PIWIL1: variants seen among roughly 807,000 people sequenced by gnomAD.
PIWIL1 encodes the protein piwi like RNA-mediated gene silencing 1.
A neutral mutation model predicts 114.4 loss-of-function variants in PIWIL1; 73 were observed. The ratio of observed to expected loss-of-function variants is 0.64; its 90% CI spans 0.53 to 0.78. The LOEUF is 0.78. Among genes scored for constraint, PIWIL1 ranks in the 30% least tolerant of loss-of-function variants. The pLI is 0.00. For synonymous variants in PIWIL1, 375 were observed against 369.0 expected, an observed-to-expected ratio of 1.02 and a Z score of -0.19; for missense variants, 723 against 1,063.1, an observed-to-expected ratio of 0.68 and a Z score of 4.45.
the PIWIL1 span, chr12:130,424,693 T>C: frequency 8.1e-7 from 1 of 1,231,956 alleles, no homozygotes; most frequent in African/African-American, 1.6e-5. The surrounding 1 kb of genome is among the most constrained non-coding windows in gnomAD (Gnocchi z 9.8). Flanking sequence ...AGCCCCGTCC[T>C]GGCCCTGGGG....
the PIWIL1 span, among the ~76,000 whole-genome samples, chr12:130,385,788 A>C: frequency 6.6e-6 from 1 of 152,330 alleles, no homozygotes; most frequent in South Asian, 2.1e-4. Flanking sequence ...GTGATGTCCC[A>C]AAAATTCAGA....
chr12:130,361,556 G>A lies in PIWIL1; in HGVS notation c.1925G>A (p.Arg642Lys). The change falls in exon 16 of 21, where the codon AGG becomes AAG. Residue 642 changes from arginine to lysine, a missense_variant. Arg to Lys is a conservative substitution (Grantham distance 26). Coordinates refer to ENST00000245255, the MANE Select transcript of PIWIL1 (RefSeq NM_004764.5). Reference protein sequence around the residue: ...DCYHDMTAGRRSIAGFVASIN... With the variant: ...DCYHDMTAGRKSIAGFVASIN... ...TACCATGACATGACAGCTGGGCGGA[G>A]GTCAATCGCAGGATTTGTTGCCAGC... 1 of 1,614,182 alleles carries A rather than the reference G, an allele frequency of 6.2e-7. No individual in the cohort carries two copies. Among genetic ancestry groups the A allele is most frequent in the Non-Finnish European group, 8.5e-7 (1 of 1,180,036 alleles).
At chr12:130,381,544 C>CATGT in the PIWIL1 span, among the ~76,000 whole-genome samples, 822 of 152,280 alleles carry the variant, frequency 5.4e-3, 13 homozygotes, top group African/African-American at 0.019. Flanking sequence ...TGTACCAGTA[C>CATGT]ATGTATCCAT....
chr12:130,361,345 A>T lies in PIWIL1; in HGVS notation c.1831A>T (p.Lys611Ter). The change falls in exon 15 of 21, where the codon AAG (lysine) becomes TAG (stop). Residue 611 changes from lysine to a stop codon, truncating the protein, a stop_gained. Coordinates refer to ENST00000245255, the MANE Select transcript of PIWIL1 (RefSeq NM_004764.5). LOFTEE classifies it high-confidence loss of function. The stretch of plus-strand genomic sequence containing the variant: ...AAAGATTGCCCTACAGATGAACTGC[A>T]AGATGGGAGGAGAGCTCTGGAGGGT... ...ATKIALQMNCKMGGELWRVDI... is the reference protein window; with the variant it reads ...ATKIALQMNC The T allele has an allele frequency of 6.2e-7, 1 of 1,614,228 alleles. No homozygotes were observed. The highest frequency in any genetic ancestry group is 8.5e-7 in the Non-Finnish European group (1 of 1,180,038).
chr12:130,376,501 C>A (rs1292329964), downstream of PIWIL1, among the ~76,000 whole-genome samples: 1 of 152,182 alleles, frequency 6.6e-6, no homozygotes, highest in Non-Finnish European at 1.5e-5. Flanking sequence ...CATTTGACAA[C>A]CTCTGGTTGA....
chr12:130,339,957 C>T (rs78915359), intron 1 of PIWIL1, among the ~76,000 whole-genome samples: 1 of 152,320 alleles, frequency 6.6e-6, no homozygotes, highest in South Asian at 2.1e-4. Flanking sequence ...CACTGTTTCA[C>T]ACCGTTGTTT....
the PIWIL1 span, among the ~76,000 whole-genome samples, chr12:130,394,762 G>A: frequency 6.9e-6 from 1 of 144,154 alleles, no homozygotes; most frequent in Non-Finnish European, 1.6e-5. Flanking sequence ...TTGTGTTCTA[G>A]TTTAAGCAAA....
Position 130,355,714 on chromosome 12 carries a change from C to T in PIWIL1, c.1404+47C>T, listed in dbSNP as rs200707905. The T allele has an allele frequency of 4.7e-6, 6 of 1,287,350 alleles. No homozygotes were observed. In the Admixed American group the frequency reaches 6.7e-5, roughly 14 times the overall value. 79.7% of individuals were successfully genotyped at this position (1,287,350 alleles called of 1,614,324 possible). On this transcript the variant is annotated intron_variant, in intron 12 of 20. Coordinates refer to ENST00000245255, the MANE Select transcript of PIWIL1 (RefSeq NM_004764.5). ...GTTGTTGTTGTTTTTGAGACGGAGT[C>T]TCGCTCTGTCCCCCAGGCAGGAGTA...
At chr12:130,422,926 A>C in the PIWIL1 span, among the ~76,000 whole-genome samples, 1 of 152,162 alleles carries the variant, frequency 6.6e-6, no homozygotes, top group African/African-American at 2.4e-5. This position sits in a 1 kb window ranked among gnomAD's most constrained non-coding sequence, Gnocchi z 5.2. Context: ...CTTAGTCTCC[A>C]CATGCCCCCC....
the PIWIL1 span, among the ~76,000 whole-genome samples, chr12:130,422,838 C>CA: frequency 6.6e-6 from 1 of 152,120 alleles, no homozygotes; most frequent in South Asian, 2.1e-4. The surrounding 1 kb of genome is among the most constrained non-coding windows in gnomAD (Gnocchi z 5.2). Flanking sequence ...GTGCTGAAGA[C>CA]AAATGTTTTG....
At chr12:130,372,659 C>T (rs1214633530), downstream of PIWIL1, 2 of 131,402 alleles carry the variant, frequency 1.5e-5, no homozygotes, top group African/African-American at 2.9e-5. Context: ...GTGTCTCTTA[C>T]GAACTCTAAT....
intron 9 of PIWIL1, chr12:130,350,942 A>T (rs958715741): frequency 2.6e-5 from 4 of 152,190 alleles, no homozygotes; most frequent in Non-Finnish European, 5.9e-5. Context: ...GAGGGATTCT[A>T]TGAGACGCTG....
intron 16 of PIWIL1, 51 bp downstream of exon 16, chr12:130,361,652 T>G: frequency 7.8e-6 from 11 of 1,411,584 alleles, no homozygotes; most frequent in Non-Finnish European, 1.1e-5. Context: ...AAAGCAGGGT[T>G]CTGGAGGTTC....
rs202001191 is a variant in PIWIL1, at chr12:130,357,151, A to C, written c.1592+46A>C. The C allele has an allele frequency of 3.6e-5, 54 of 1,479,662 alleles. No individual in the cohort carries two copies. The African/African-American group carries it at 6.7e-4, about 18-fold the overall frequency. 91.7% of individuals were successfully genotyped at this position (1,479,662 alleles called of 1,614,324 possible). On this transcript the variant is annotated intron_variant, in intron 13 of 20. Transcript: ENST00000245255. ...CTGCTCTGAAAATTGCTTGGCAGTC[A>C]TTTGGAGGGGTGGGAACTATTAAAC...
chr12:130,409,169 G>A, the PIWIL1 span, among the ~76,000 whole-genome samples: 7 of 152,118 alleles, frequency 4.6e-5, no homozygotes, highest in Admixed American at 1.3e-4. Context: ...AGTACTTTAC[G>A]TTGTGATAAG....
chr12:130,346,684 C>A, intron 5 of PIWIL1, 100 bp downstream of exon 5: 1 of 997,314 alleles, frequency 1.0e-6, no homozygotes. Flanking sequence ...CAGGAGTCTC[C>A]TGTCTGATAT....
At chr12:130,395,300 C>T in the PIWIL1 span, among the ~76,000 whole-genome samples, 1 of 152,192 alleles carries the variant, frequency 6.6e-6, no homozygotes, top group African/African-American at 2.4e-5. Flanking sequence ...TTTCTCTTAT[C>T]ATCACCAGAA....
chr12:130,347,796 C>T (rs537155564), intron 6 of PIWIL1, among the ~76,000 whole-genome samples: 2 of 152,324 alleles, frequency 1.3e-5, no homozygotes, highest in African/African-American at 2.4e-5. Context: ...TACTACTGGA[C>T]CGCCGAAACA....
chr12:130,377,378 G>A (rs550586933), downstream of PIWIL1, among the ~76,000 whole-genome samples: 22 of 152,286 alleles, frequency 1.4e-4, no homozygotes, highest in African/African-American at 2.9e-4. Flanking sequence ...TGCACATGGC[G>A]GTCACCAGGG....
Sources: gnomAD v4.1 joint callset for allele counts (sites outside exome capture counted in the v4.1 genomes callset) on GRCh38, gnomAD v4.1.1 for gene constraint, Gnocchi (gnomAD v3.1) non-coding constraint, MANE v1.5 for transcripts, NCBI Gene and HGNC (gene_info 2026-07-23, HGNC 2026-07-21) for gene names.